The following USP48 variants were observed in gnomAD, a reference collection of about 807,000 sequenced individuals.
USP48 encodes ubiquitin carboxyl-terminal hydrolase 48.
A neutral mutation model predicts 150.7 loss-of-function variants in USP48; 43 were observed. The ratio of observed to expected loss-of-function variants is 0.29; its 90% CI spans 0.22 to 0.37. USP48 has a LOEUF of 0.37. USP48 is among the 10% of genes least tolerant of loss of function. The probability of loss-of-function intolerance (pLI) is 1.00; values close to 1 mark genes in which losing one functional copy is unlikely to be tolerated. For missense variants in USP48, 813 were observed against 1,249.6 expected, an observed-to-expected ratio of 0.65 and a Z score of 5.27; for synonymous variants, 396 against 425.9, an observed-to-expected ratio of 0.93 and a Z score of 0.86.
intron 21 of USP48, among the ~76,000 whole-genome samples, chr1:21,703,066 ACTTCT>A (rs964219440): frequency 6.6e-6 from 1 of 152,192 alleles, no homozygotes; most frequent in Non-Finnish European, 1.5e-5. Context: ...GGTAAAAACA[ACTTCT>A]CCAAGACGCC....
intron 14 of USP48, among the ~76,000 whole-genome samples, chr1:21,719,247 A>T (rs1193280362): frequency 2.0e-5 from 3 of 149,132 alleles, no homozygotes; most frequent in Non-Finnish European, 3.0e-5. Context: ...ATGCCACTGC[A>T]CTCCAGCCTG....
chr1:21,753,823 T>TAA (rs11308463), intron 3 of USP48, among the ~76,000 whole-genome samples: 6,658 of 86,516 alleles, frequency 0.077, 261 homozygotes, highest in Middle Eastern at 0.11. Context: ...CGAGACTCTT[T>TAA]AAAAAAAAAA....
At position 21,756,540 on chromosome 1, in the gene USP48, A is replaced by T; in HGVS notation, c.412+6T>A. The T allele has an allele frequency of 1.3e-6, 2 of 1,570,298 alleles. No homozygotes were observed. The highest frequency in any genetic ancestry group is 3.4e-4 in the Middle Eastern group (2 of 5,884). Reference sequence around the variant, plus strand: ...AGAGAGCTCTCCCCCACCCCTTTCCACCCACCTTTTTCTTCTTGGATGCCG... The same window carrying T: ...AGAGAGCTCTCCCCCACCCCTTTCCTCCCACCTTTTTCTTCTTGGATGCCG... On this transcript the variant is annotated splice_donor_region_variant and intron_variant, in intron 3 of 26. Coordinates refer to ENST00000308271, the MANE Select transcript of USP48 (RefSeq NM_032236.8).
At chr1:21,715,269 C>A (rs893846900) in intron 15 of USP48, 120 bp downstream of exon 15, 3 of 635,000 alleles carry the variant, frequency 4.7e-6, no homozygotes, top group Admixed American at 6.8e-5. Flanking sequence ...TGGGGAAATT[C>A]TATTAAAAAA....
intron 26 of USP48, among the ~76,000 whole-genome samples, chr1:21,680,306 C>T (rs780798923): frequency 7.9e-5 from 12 of 152,138 alleles, no homozygotes; most frequent in East Asian, 1.9e-4. Context: ...AACTACATGG[C>T]CCAGATGTAG....
intron 1 of USP48, among the ~76,000 whole-genome samples, chr1:21,760,843 C>T (rs1326364363): frequency 2.0e-5 from 3 of 151,954 alleles, no homozygotes; most frequent in Non-Finnish European, 4.4e-5. Flanking sequence ...GCCTGTAATC[C>T]CAGCACTTTG....
Position 21,705,763 on chromosome 1 carries a change from A to C in USP48, c.2348T>G (p.Phe783Cys). ...TTCTTTGGTCATGGAAGCAAATGTA[A>C]ACATGAGGCCCCCGTGGGGACACAA... ...ALLCPHGGLMFTFASMTKEDS... is the reference protein window; with the variant it reads ...ALLCPHGGLMCTFASMTKEDS... The change falls in exon 19 of 27, where the codon TTT (phenylalanine) becomes TGT (cysteine). Residue 783 changes from phenylalanine (F) to cysteine (C), a missense_variant. By Grantham distance (205) the Phe-to-Cys change is radical (BLOSUM62 -2). Transcript: ENST00000308271. 6.2e-7 allele frequency: 1 copy of C among 1,611,826 alleles called. No homozygotes were observed. The highest frequency in any genetic ancestry group is 8.5e-7 in the Non-Finnish European group (1 of 1,179,390).
At chr1:21,700,425 G>C (rs2097652051) in intron 22 of USP48, among the ~76,000 whole-genome samples, 2 of 152,296 alleles carry the variant, frequency 1.3e-5, no homozygotes, top group South Asian at 4.1e-4. Flanking sequence ...GGCACACCAA[G>C]ATTCAAATCA....
At chr1:21,764,417 C>T (rs1260092822) in intron 1 of USP48, among the ~76,000 whole-genome samples, 2 of 147,240 alleles carry the variant, frequency 1.4e-5, no homozygotes, top group Admixed American at 6.8e-5. Flanking sequence ...CCAGCCTGGG[C>T]ATCAGAGAGA....
chr1:21,741,562 C>G (rs141473905), intron 8 of USP48, among the ~76,000 whole-genome samples: 86 of 152,256 alleles, frequency 5.6e-4, no homozygotes, highest in African/African-American at 1.9e-3. Context: ...TAAAACTCTT[C>G]CAGATGGAAG....
chr1:21,723,977 T>C lies in USP48; in HGVS notation c.1569A>G (p.Lys523=). ...LCSHDKLHPD[K]ISIMKRISEY... ...CAGATATCCTCTTCATAATTGATATTTTATCCGGGTGAAGCTTGTCATGGG... is the reference window on the plus strand; with the variant it reads ...CAGATATCCTCTTCATAATTGATATCTTATCCGGGTGAAGCTTGTCATGGG... Residue 523 remains lysine, a synonymous_variant, in exon 12 of 27, where the codon AAA becomes AAG. Transcript: ENST00000308271. 1 of 1,614,128 alleles carries C rather than the reference T, an allele frequency of 6.2e-7. No homozygotes were observed. Among genetic ancestry groups the C allele is most frequent in the Non-Finnish European group, 8.5e-7 (1 of 1,180,020 alleles).
intron 8 of USP48, among the ~76,000 whole-genome samples, chr1:21,745,082 ATTTCT>A (rs1316840753): frequency 6.6e-6 from 1 of 152,244 alleles, no homozygotes; most frequent in African/African-American, 2.4e-5. Context: ...TATGGTTTGT[ATTTCT>A]TTTCTTTATG....
intron 1 of USP48, among the ~76,000 whole-genome samples, chr1:21,759,181 C>CAAAA (rs11341963): frequency 4.3e-5 from 3 of 69,244 alleles, no homozygotes; most frequent in African/African-American, 6.1e-5. Flanking sequence ...GACACGGTCT[C>CAAAA]AAAAAAAAAA....
intron 13 of USP48, 96 bp downstream of exon 13, chr1:21,721,554 C>T: frequency 2.3e-6 from 2 of 875,598 alleles, no homozygotes; most frequent in South Asian, 5.2e-5. Flanking sequence ...TTCTAAAAAT[C>T]CCAACTTCCT....
intron 25 of USP48, among the ~76,000 whole-genome samples, chr1:21,682,635 G>A (rs754330976): frequency 4.6e-5 from 7 of 152,116 alleles, no homozygotes; most frequent in Non-Finnish European, 1.0e-4. Context: ...TCAGCACACT[G>A]GGAGGCCGAG....
chr1:21,684,412 T>C (rs906355485), intron 25 of USP48, among the ~76,000 whole-genome samples: 17 of 152,202 alleles, frequency 1.1e-4, no homozygotes, highest in Admixed American at 1.0e-3. Flanking sequence ...CTATTGGCCA[T>C]GTTTATGTCT....
intron 1 of USP48, among the ~76,000 whole-genome samples, chr1:21,770,648 T>G (rs982414514): frequency 5.3e-5 from 8 of 151,264 alleles, no homozygotes; most frequent in Non-Finnish European, 8.8e-5. Flanking sequence ...GCTCGGCTAA[T>G]TTTTTGTATT....
intron 15 of USP48, among the ~76,000 whole-genome samples, chr1:21,709,976 T>A (rs981789469): frequency 6.6e-6 from 1 of 152,234 alleles, no homozygotes; most frequent in East Asian, 1.9e-4. Flanking sequence ...TAATATTAAC[T>A]ATGAATATTA....
At chr1:21,756,171 T>A (rs10917040) in intron 3 of USP48, among the ~76,000 whole-genome samples, 84,698 of 149,614 alleles carry the variant, frequency 0.57, 25,711 homozygotes, top group Admixed American at 0.7. Flanking sequence ...CTTAAAAAAA[T>A]AATAATAATA....
Sources: allele counts gnomAD v4.1 joint callset (sites outside exome capture counted in the v4.1 genomes callset), GRCh38; gene constraint gnomAD v4.1.1; transcripts MANE v1.5; gene names NCBI Gene and HGNC (gene_info 2026-07-23, HGNC 2026-07-21).